The following TSNAXIP1 variants were observed in gnomAD, a reference collection of about 807,000 sequenced individuals.
TSNAXIP1 encodes translin associated factor X interacting protein 1.
A neutral mutation model predicts 84.8 loss-of-function variants in TSNAXIP1; 89 were observed. That is an observed-to-expected ratio of 1.05 (90% confidence interval 0.88 to 1.25). The LOEUF (loss-of-function observed/expected upper bound fraction) is 1.25. Among genes scored for constraint, TSNAXIP1 ranks in the 50% most tolerant of loss-of-function variants. The pLI is 0.00. For missense variants in TSNAXIP1, 874 were observed against 887.6 expected (o/e 0.98, Z 0.20); for synonymous variants, 347 against 335.2 (o/e 1.04, Z -0.39).
At chr16:67,816,069 C>T (rs1344706017) in intron 2 of TSNAXIP1, among the ~76,000 whole-genome samples, 2 of 150,970 alleles carry the variant, frequency 1.3e-5, no homozygotes, top group African/African-American at 4.9e-5. Context: ...CCCAGGTTCA[C>T]CCCATTCTCC....
intron 2 of TSNAXIP1, among the ~76,000 whole-genome samples, chr16:67,815,185 G>A (rs889266667): frequency 6.6e-6 from 1 of 151,834 alleles, no homozygotes; most frequent in Non-Finnish European, 1.5e-5. Flanking sequence ...GCATGGTGGT[G>A]CATCTGTAGT....
intron 1 of TSNAXIP1, among the ~76,000 whole-genome samples, chr16:67,813,207 T>C (rs1044561262): frequency 2.0e-5 from 3 of 151,624 alleles, no homozygotes; most frequent in Non-Finnish European, 4.4e-5. Context: ...GCCAACATGG[T>C]GAAATCCCAT....
At chr16:67,814,455 G>A (rs974526322) in intron 2 of TSNAXIP1, 54 bp downstream of exon 2, 25 of 1,430,998 alleles carry the variant, frequency 1.7e-5, no homozygotes, top group Admixed American at 7.9e-5. Flanking sequence ...GACCCTATCC[G>A]TCTCCCTTCC....
At chr16:67,813,654 C>T (rs2056299327) in intron 1 of TSNAXIP1, among the ~76,000 whole-genome samples, 1 of 148,846 alleles carries the variant, frequency 6.7e-6, no homozygotes, top group South Asian at 2.1e-4. Context: ...ATTGCTTGAA[C>T]CCGCGAGATG....
intron 2 of TSNAXIP1, among the ~76,000 whole-genome samples, chr16:67,816,729 C>T (rs1038385223): frequency 1.3e-5 from 2 of 152,100 alleles, no homozygotes; most frequent in African/African-American, 4.8e-5. Flanking sequence ...CCCTCCGGGG[C>T]CGCCTTCCCG....
In TSNAXIP1 at chr16:67,824,579, T is replaced by C. The variant is rs1229217942; in HGVS notation, c.482-4T>C. ...AAGCAGCTCTCCCACCTGTCTCTGC[T>C]TAGCCCACCAAAGGGAGAAGATTCG... On this transcript the variant is annotated splice_region_variant and splice_polypyrimidine_tract_variant and intron_variant, in intron 5 of 15. Coordinates refer to ENST00000561639, the MANE Select transcript of TSNAXIP1 (RefSeq NM_001288990.3). The C allele has an allele frequency of 6.2e-7, 1 of 1,613,422 alleles. No homozygotes were observed. The highest frequency in any genetic ancestry group is 2.2e-5 in the East Asian group (1 of 44,868).
chr16:67,827,479 G>A lies in TSNAXIP1; in HGVS notation c.1798G>A (p.Glu600Lys). 1 of 1,614,218 alleles carries A rather than the reference G, an allele frequency of 6.2e-7. No homozygotes were observed. Among genetic ancestry groups the A allele is most frequent in the Non-Finnish European group, 8.5e-7 (1 of 1,180,032 alleles). ...GACTTGTGGCCCCTCCCAGGATGAG[G>A]AGGGCCAGAGTGAGCCCTTTGTGCA... is the stretch of plus-strand genomic sequence containing the variant. Reference protein sequence around the residue: ...NYRSLFMEDEEGQSEPFVQKL... With the variant: ...NYRSLFMEDEKGQSEPFVQKL... Residue 600 changes from glutamate to lysine, a missense_variant, in exon 15 of 16, where the codon GAG (glutamate) becomes AAG (lysine). Transcript: ENST00000561639.
In TSNAXIP1 at chr16:67,828,059, T is replaced by C. The variant is rs2057608228; in HGVS notation, c.*66T>C. On this transcript the variant is annotated 3_prime_UTR_variant, in exon 16 of 16. Coordinates refer to ENST00000561639, the MANE Select transcript of TSNAXIP1 (RefSeq NM_001288990.3). Reference sequence around the variant, plus strand: ...CTAGCTTTTAATATAAAAGTGTTTGTCTGAATCCATGCCATTCTCCAGACT... The same window carrying C: ...CTAGCTTTTAATATAAAAGTGTTTGCCTGAATCCATGCCATTCTCCAGACT... 7.6e-6 allele frequency: 12 copies of C among 1,576,820 alleles called. No homozygotes were observed. Among genetic ancestry groups the C allele is most frequent in the Non-Finnish European group, 1.0e-5 (12 of 1,162,306 alleles).
chr16:67,827,730 T>C (rs764948229), intron 15 of TSNAXIP1, 23 bp from the exon 16 acceptor site: 1 of 1,613,410 alleles, frequency 6.2e-7, no homozygotes, highest in Non-Finnish European at 8.5e-7. Flanking sequence ...TCAGGGCCTG[T>C]CACTCTCTTT....
rs151069309 is a variant in TSNAXIP1 at position 67,825,509 on chromosome 16, T to C, written c.815-158T>C. Reference sequence around the variant, plus strand: ...CTCCCAGTGGGCTGGACAGGCCTGGTACTCAGTTTCCTGGGCTTCTAGACT... The same window carrying C: ...CTCCCAGTGGGCTGGACAGGCCTGGCACTCAGTTTCCTGGGCTTCTAGACT... On this transcript the variant is annotated intron_variant, in intron 7 of 15. Coordinates refer to ENST00000561639, the MANE Select transcript of TSNAXIP1 (RefSeq NM_001288990.3). 3.0e-4 allele frequency among the ~76,000 whole-genome samples: 45 copies of C among 152,294 alleles called. No homozygotes were observed. The East Asian group carries it at 8.5e-3, about 29-fold the overall frequency.
chr16:67,824,502 A>C (rs1207087981), intron 5 of TSNAXIP1, 81 bp from the exon 6 acceptor site: 3 of 1,376,312 alleles, frequency 2.2e-6, no homozygotes, highest in Non-Finnish European at 3.0e-6. Flanking sequence ...CGACATAGCC[A>C]CTCACCCATG....
chr16:67,826,838 G>A lies in TSNAXIP1; in HGVS notation c.1548G>A (p.Met516Ile), dbSNP rs553963579. The A allele has an allele frequency of 6.8e-6, 11 of 1,613,426 alleles. No individual in the cohort carries two copies. The highest frequency in any genetic ancestry group is 2.7e-5 in the African/African-American group (2 of 75,056). The change falls in exon 12 of 16, where the codon ATG becomes ATA. Residue 516 changes from methionine to isoleucine, a missense_variant. By Grantham distance (10) the Met-to-Ile change is conservative. Coordinates refer to ENST00000561639, the MANE Select transcript of TSNAXIP1 (RefSeq NM_001288990.3). ...TGAGTCAGTTCTATGCAGTCTTGAT[G>A]GGAAAGGTGAGCTGGGGCCTATTCC... is the stretch of plus-strand genomic sequence containing the variant. ...EVMSQFYAVLMGKRSENVYVT... is the reference protein window; with the variant it reads ...EVMSQFYAVLIGKRSENVYVT...
Position 67,822,124 on chromosome 16 carries a change from A to G in TSNAXIP1, c.387+899A>G, listed in dbSNP as rs533553645. 3.5e-3 allele frequency among the ~76,000 whole-genome samples: 526 copies of G among 150,384 alleles called. 1 individual carries two copies. The highest frequency in any genetic ancestry group is 5.9e-3 in the Non-Finnish European group (398 of 67,610). ...AAACCCCGTCTCTACTAAAAATACA[A>G]AAAAATTAGCCAGGTGTGGTGGCAG... is the stretch of plus-strand genomic sequence containing the variant. On this transcript the variant is annotated intron_variant, in intron 4 of 15. Coordinates refer to ENST00000561639, the MANE Select transcript of TSNAXIP1 (RefSeq NM_001288990.3).
rs1196682259 is a variant in TSNAXIP1 at position 67,806,965 on chromosome 16, C to T, written c.-185C>T. ...ACTCTCAGGGCACCCGCTGCCGGGT[C>T]CCAGTCCACCTTTGCTACTTTGTCC... On this transcript the variant is annotated 5_prime_UTR_variant, in exon 1 of 16. Transcript: ENST00000561639. 1.1e-6 allele frequency: 1 copy of T among 923,146 alleles called. No homozygotes were observed. The highest frequency in any genetic ancestry group is 1.8e-5 in the South Asian group (1 of 57,060). 57.2% of individuals were successfully genotyped at this position (923,146 alleles called of 1,614,324 possible). A position where few individuals can be genotyped will look rare whatever the true frequency, so the allele number is the denominator to read the frequency against.
intron 5 of TSNAXIP1, 111 bp downstream of exon 5, chr16:67,823,830 A>G: frequency 1.2e-6 from 1 of 804,390 alleles, no homozygotes; most frequent in South Asian, 1.5e-5. Context: ...CAGCCTGGCC[A>G]ACATGGTGAA....
rs1456489595 is a variant in TSNAXIP1 at position 67,814,549 on chromosome 16, G to C, written c.147+148G>C. Reference sequence around the variant, plus strand: ...TGGCTTCTTCTCAGTTAGAGAGTGTGGCTCAGAGAGGCCAGGCCCACCAGG... The same window carrying C: ...TGGCTTCTTCTCAGTTAGAGAGTGTCGCTCAGAGAGGCCAGGCCCACCAGG... On this transcript the variant is annotated intron_variant, in intron 2 of 15. Coordinates refer to ENST00000561639, the MANE Select transcript of TSNAXIP1 (RefSeq NM_001288990.3). 3 of 696,748 alleles carry C rather than the reference G, an allele frequency of 4.3e-6. No homozygotes were observed. The African/African-American group carries it at 5.3e-5, about 12-fold the overall frequency. The allele number at this position is 696,748 out of a possible 1,614,324, so 43.2% of individuals were successfully genotyped here.
intron 14 of TSNAXIP1, 37 bp from the exon 15 acceptor site, chr16:67,827,436 C>G (rs776784587): frequency 1.2e-6 from 2 of 1,614,032 alleles, no homozygotes; most frequent in Admixed American, 3.3e-5. Flanking sequence ...TGGACCCTAC[C>G]CAATGTGCCC....
chr16:67,814,834 A>G (rs1645861264), intron 2 of TSNAXIP1, among the ~76,000 whole-genome samples: 1 of 152,148 alleles, frequency 6.6e-6, no homozygotes, highest in Non-Finnish European at 1.5e-5. Context: ...CTAGAATCTA[A>G]CAGGCTACCT....
chr16:67,824,630 C>T lies in TSNAXIP1; in HGVS notation c.529C>T (p.Leu177Phe), dbSNP rs758805260. Residue 177 changes from leucine to phenylalanine, a missense_variant, in exon 6 of 16, where the codon CTT becomes TTT. By Grantham distance (22) the Leu-to-Phe change is conservative. Transcript: ENST00000561639. Reference protein sequence around the residue: ...IRALEPLKAKLVTVNEDCNER... With the variant: ...IRALEPLKAKFVTVNEDCNER... ...GGCTCTGGAGCCCCTGAAGGCCAAGCTTGTCACTGTGAATGAGGACTGCAA... is the reference window on the plus strand; with the variant it reads ...GGCTCTGGAGCCCCTGAAGGCCAAGTTTGTCACTGTGAATGAGGACTGCAA... 1.2e-6 allele frequency: 2 copies of T among 1,614,112 alleles called. No individual in the cohort carries two copies. The highest frequency in any genetic ancestry group is 3.3e-5 in the Admixed American group (2 of 60,004).
Sources: allele counts gnomAD v4.1 joint callset (sites outside exome capture counted in the v4.1 genomes callset), GRCh38; gene constraint gnomAD v4.1.1; transcripts MANE v1.5; gene names NCBI Gene and HGNC (gene_info 2026-07-23, HGNC 2026-07-21).